Variants in ADAMTS6 observed in about 807,000 individuals in gnomAD.
The protein encoded by ADAMTS6 is A disintegrin and metalloproteinase with thrombospondin motifs 6.
Under a neutral mutation model 144.3 loss-of-function variants are expected in ADAMTS6, and 23 were observed. That is an observed-to-expected ratio of 0.16 (90% CI 0.11 to 0.23). The LOEUF is 0.23. Among genes scored for constraint, ADAMTS6 ranks in the 10% least tolerant of loss-of-function variants. The probability of loss-of-function intolerance (pLI) is 1.00; values close to 1 mark genes in which losing one functional copy is unlikely to be tolerated. For synonymous variants in ADAMTS6, 444 were observed against 457.5 expected (o/e 0.97, Z 0.38); for missense variants, 999 against 1,379.6 (o/e 0.72, Z 4.37).
At chr5:65,388,122 A>G (rs1382436749) in intron 7 of ADAMTS6, among the ~76,000 whole-genome samples, 2 of 152,182 alleles carry the variant, frequency 1.3e-5, no homozygotes, top group Non-Finnish European at 2.9e-5. Context: ...AGACAGGAGA[A>G]TCGCTTGAAC....
At chr5:65,327,705 G>A (rs1465164428) in intron 9 of ADAMTS6, among the ~76,000 whole-genome samples, 1 of 152,062 alleles carries the variant, frequency 6.6e-6, no homozygotes, top group African/African-American at 2.4e-5. Context: ...TAGGAAACCT[G>A]GGAAGTTGCC....
Position 65,170,789 on chromosome 5 carries a change from CAAAG to C in ADAMTS6, c.3088-20_3088-17del. The C allele has an allele frequency of 6.3e-7, 1 of 1,599,618 alleles. No homozygotes were observed. Among genetic ancestry groups the C allele is most frequent in the Non-Finnish European group, 8.5e-7 (1 of 1,170,846 alleles). Reference sequence around the variant, plus strand: ...GAGCAGAACACTAAATCCAAAGACACAAAGAAACAAAATATTAATCTCAACAATT... The same window carrying C: ...GAGCAGAACACTAAATCCAAAGACACAAACAAAATATTAATCTCAACAATT... On this transcript the variant is annotated splice_polypyrimidine_tract_variant and intron_variant, in intron 23 of 24. Transcript: ENST00000381055.
chr5:65,418,634 A>G (rs969670448), intron 7 of ADAMTS6, among the ~76,000 whole-genome samples: 5 of 152,168 alleles, frequency 3.3e-5, no homozygotes, highest in Non-Finnish European at 5.9e-5. Flanking sequence ...ATGGAAGAAA[A>G]TATTTGCAAA....
chr5:65,215,261 C>T (rs1476900045), intron 19 of ADAMTS6, 63 bp downstream of exon 19: 3 of 1,530,230 alleles, frequency 2.0e-6, no homozygotes, highest in East Asian at 2.3e-5. Flanking sequence ...TAAAACCTGC[C>T]CCTTCCTACC....
chr5:65,179,606 G>A (rs992744444), intron 22 of ADAMTS6, among the ~76,000 whole-genome samples: 1 of 152,122 alleles, frequency 6.6e-6, no homozygotes, highest in Non-Finnish European at 1.5e-5. Flanking sequence ...TTAGGACTGT[G>A]TGGAAATGAA....
At chr5:65,393,394 T>C (rs1394436995) in intron 7 of ADAMTS6, among the ~76,000 whole-genome samples, 1 of 152,240 alleles carries the variant, frequency 6.6e-6, no homozygotes, top group Non-Finnish European at 1.5e-5. Context: ...CCATACTTGT[T>C]ATGCAAAAGC....
chr5:65,174,306 C>T (rs1220812676), intron 22 of ADAMTS6, among the ~76,000 whole-genome samples: 1 of 152,142 alleles, frequency 6.6e-6, no homozygotes, highest in Non-Finnish European at 1.5e-5. Flanking sequence ...GGTTCCCTGA[C>T]CGGGAAGCGA....
At chr5:65,436,622 G>C (rs1006063947) in intron 7 of ADAMTS6, among the ~76,000 whole-genome samples, 1 of 152,120 alleles carries the variant, frequency 6.6e-6, no homozygotes. Context: ...GATCACCTGA[G>C]GTCAGGAGTT....
intron 19 of ADAMTS6, 60 bp downstream of exon 19, chr5:65,215,264 T>C: frequency 1.3e-6 from 2 of 1,554,142 alleles, no homozygotes; most frequent in Non-Finnish European, 1.7e-6. Context: ...AACCTGCCCC[T>C]TCCTACCTCA....
intron 15 of ADAMTS6, among the ~76,000 whole-genome samples, chr5:65,236,951 T>C (rs1235513562): frequency 6.6e-6 from 1 of 152,020 alleles, no homozygotes; most frequent in Non-Finnish European, 1.5e-5. Flanking sequence ...AAACACAAAT[T>C]ATCAATACCA....
intron 22 of ADAMTS6, among the ~76,000 whole-genome samples, chr5:65,175,295 A>G (rs995431390): frequency 1.3e-4 from 19 of 151,966 alleles, no homozygotes; most frequent in African/African-American, 4.1e-4. Context: ...AGAGAGGCAG[A>G]GAGGCAGAAA....
chr5:65,474,600 CTTCAT>C (rs993272279), intron 1 of ADAMTS6, among the ~76,000 whole-genome samples: 12 of 151,876 alleles, frequency 7.9e-5, no homozygotes, highest in African/African-American at 2.9e-4. Context: ...AATTTTAAAA[CTTCAT>C]TTCAAGTATT....
At chr5:65,406,136 A>G (rs935317145) in intron 7 of ADAMTS6, among the ~76,000 whole-genome samples, 1 of 152,130 alleles carries the variant, frequency 6.6e-6, no homozygotes, top group African/African-American at 2.4e-5. Context: ...AATACCCTTT[A>G]TTTCTTTCTC....
In ADAMTS6 at chr5:65,240,362, A is replaced by AG. The variant is rs1381670111; in HGVS notation, c.1933+1741dup. Among the ~76,000 whole-genome samples the AG allele has an allele frequency of 3.3e-5, 5 of 152,310 alleles. No individual in the cohort carries two copies. In the East Asian group the frequency reaches 9.6e-4, roughly 29 times the overall value. ...ACAATAGAATATGAAGTTCTGGAAC[A>AG]GGCAAAACTAAACTATGGTGAGAAA... On this transcript the variant is annotated intron_variant, in intron 15 of 24. Transcript: ENST00000381055.
chr5:65,383,147 G>T (rs1164387018), intron 7 of ADAMTS6, among the ~76,000 whole-genome samples: 1 of 152,002 alleles, frequency 6.6e-6, no homozygotes, highest in Non-Finnish European at 1.5e-5. Context: ...ATTTTGGGAG[G>T]ACATATATAT....
chr5:65,455,403 G>A (rs1212313681), intron 4 of ADAMTS6, among the ~76,000 whole-genome samples: 4 of 152,112 alleles, frequency 2.6e-5, no homozygotes, highest in Admixed American at 1.3e-4. Context: ...TTAGCCAGAT[G>A]TGGTGGCAGG....
At chr5:65,203,070 TGTTTC>T (rs1305381740) in intron 20 of ADAMTS6, among the ~76,000 whole-genome samples, 2 of 152,198 alleles carry the variant, frequency 1.3e-5, no homozygotes, top group East Asian at 3.8e-4. Flanking sequence ...AAAACAGGCA[TGTTTC>T]TTTTCATTTG....
At chr5:65,427,449 A>G (rs545818852) in intron 7 of ADAMTS6, among the ~76,000 whole-genome samples, 1 of 152,146 alleles carries the variant, frequency 6.6e-6, no homozygotes, top group African/African-American at 2.4e-5. Flanking sequence ...GGTTACAAAT[A>G]TATTATTTGG....
intron 7 of ADAMTS6, among the ~76,000 whole-genome samples, chr5:65,406,606 C>G (rs1369819131): frequency 6.6e-6 from 1 of 152,036 alleles, no homozygotes; most frequent in Non-Finnish European, 1.5e-5. Flanking sequence ...GTCTAAAATT[C>G]TCTTTTTTTG....
Sources: gnomAD v4.1 joint callset for allele counts (sites outside exome capture counted in the v4.1 genomes callset) on GRCh38, gnomAD v4.1.1 for gene constraint, MANE v1.5 for transcripts, NCBI Gene and HGNC (gene_info 2026-07-23, HGNC 2026-07-21) for gene names.